The following TTC4 variants were observed in gnomAD, a reference collection of about 807,000 sequenced individuals.
TTC4 encodes the protein hsp70/Hsp90 co-chaperone CNS1 homolog.
In TTC4, 36 loss-of-function variants were observed where a neutral mutation model predicts 51.9. That is an observed-to-expected ratio of 0.69 (90% confidence interval 0.53 to 0.92). The LOEUF (loss-of-function observed/expected upper bound fraction) is 0.92, where lower values mean the gene tolerates loss of function less well. TTC4 is among the 40% of genes least tolerant of loss of function. The pLI is 0.00. For synonymous variants in TTC4, 144 were observed against 164.2 expected (o/e 0.88, Z 0.94); for missense variants, 399 against 454.6 (o/e 0.88, Z 1.11).
At position 54,742,531 on chromosome 1, in the gene TTC4, C is replaced by T. The variant is rs12086065; in HGVS notation, c.*1018C>T. On this transcript the variant is annotated 3_prime_UTR_variant, in exon 10 of 10. Coordinates refer to ENST00000371281, the MANE Select transcript of TTC4 (RefSeq NM_004623.5). ...GAGCCGAGCTACAGCAGCTGGCCTG[C>T]AGCCACTGAGTGTCACAGCAATGAG... 18,025 of 152,344 alleles carry T rather than the reference C, an allele frequency of 0.12. 1,781 individuals are homozygous for T. The highest frequency in any genetic ancestry group is 0.26 in the African/African-American group (10,941 of 41,544). The allele number at this position is 152,344 out of a possible 1,614,324, so 9.4% of individuals were successfully genotyped here.
intron 3 of TTC4, 162 bp downstream of exon 3, chr1:54,717,815 G>T (rs1049740912): frequency 5.0e-6 from 3 of 603,002 alleles, no homozygotes; most frequent in African/African-American, 3.8e-5. Flanking sequence ...TTGACATGAT[G>T]AAAAGAGAAA....
chr1:54,734,030 C>A (rs983787249), intron 8 of TTC4, among the ~76,000 whole-genome samples: 1 of 152,030 alleles, frequency 6.6e-6, no homozygotes, highest in Non-Finnish European at 1.5e-5. Context: ...AGCATAATGT[C>A]TTCAAGGTTC....
intron 9 of TTC4, 50 bp downstream of exon 9, chr1:54,737,714 T>C (rs1645964062): frequency 6.4e-7 from 1 of 1,559,524 alleles, no homozygotes; most frequent in Admixed American, 1.8e-5. Context: ...CTCAGTGTAT[T>C]AGTCCATTTT....
At chr1:54,735,899 C>T (rs1645926919) in intron 8 of TTC4, among the ~76,000 whole-genome samples, 1 of 151,980 alleles carries the variant, frequency 6.6e-6, no homozygotes, top group Non-Finnish European at 1.5e-5. Context: ...GTTTCTGTGT[C>T]CTTTTGACTT....
chr1:54,742,566 T>C lies in TTC4; in HGVS notation c.*1053T>C, dbSNP rs973861165. ...GTGTCACAGCAATGAGAGAGCAATG[T>C]TTGCTGTAGTAAGCAGTGAGATTTA... On this transcript the variant is annotated 3_prime_UTR_variant, in exon 10 of 10. Transcript: ENST00000371281. The C allele has an allele frequency of 5.3e-5, 8 of 152,262 alleles. No homozygotes were observed. Among genetic ancestry groups the C allele is most frequent in the Admixed American group, 1.3e-4 (2 of 15,282 alleles). 9.4% of individuals were successfully genotyped at this position (152,262 alleles called of 1,614,324 possible).
chr1:54,726,639 A>G (rs1376967811), intron 5 of TTC4, among the ~76,000 whole-genome samples: 1 of 152,256 alleles, frequency 6.6e-6, no homozygotes, highest in East Asian at 1.9e-4. Context: ...GCTAAAACTT[A>G]TACTCTAAAA....
intron 7 of TTC4, among the ~76,000 whole-genome samples, chr1:54,732,960 G>T (rs111638365): frequency 0.013 from 1,954 of 151,970 alleles, 43 homozygotes; most frequent in African/African-American, 0.045. Context: ...GGTGGTGCAT[G>T]CCTGTAGTCC....
At chr1:54,716,920 G>T (rs1195977423) in intron 2 of TTC4, among the ~76,000 whole-genome samples, 1 of 152,106 alleles carries the variant, frequency 6.6e-6, no homozygotes, top group Non-Finnish European at 1.5e-5. Flanking sequence ...ACCCTCCAAG[G>T]TCAGGCTCAG....
chr1:54,722,861 T>C, intron 5 of TTC4, 62 bp downstream of exon 5: 1 of 1,589,580 alleles, frequency 6.3e-7, no homozygotes, highest in Non-Finnish European at 8.5e-7. Flanking sequence ...ATTCCCAAGA[T>C]TGTGTCTCTC....
At chr1:54,732,631 T>C (rs1054099351) in intron 7 of TTC4, among the ~76,000 whole-genome samples, 2 of 151,810 alleles carry the variant, frequency 1.3e-5, no homozygotes, top group Non-Finnish European at 2.9e-5. Flanking sequence ...GGTAATTTTT[T>C]AATTCTTTGG....
intron 8 of TTC4, among the ~76,000 whole-genome samples, chr1:54,736,175 G>GGAGAGAGAGAGAGAGAGAGA (rs11292044): frequency 3.0e-5 from 3 of 100,722 alleles, no homozygotes; most frequent in Non-Finnish European, 5.8e-5. Context: ...AAGAAAGAAA[G>GGAGAGAGAGAGAGAGAGAGA]GAGAGAGAGA....
chr1:54,725,966 T>C (rs1645794211), intron 5 of TTC4, among the ~76,000 whole-genome samples: 1 of 152,102 alleles, frequency 6.6e-6, no homozygotes, highest in Admixed American at 6.5e-5. Flanking sequence ...GAAGAGAGAC[T>C]TGTATGATGC....
intron 4 of TTC4, among the ~76,000 whole-genome samples, chr1:54,721,798 T>G (rs1388868498): frequency 6.6e-6 from 1 of 152,244 alleles, no homozygotes; most frequent in African/African-American, 2.4e-5. Flanking sequence ...AAATTATGCC[T>G]CTTTAAATGT....
Position 54,742,273 on chromosome 1 carries a change from G to A in TTC4, c.*760G>A, listed in dbSNP as rs1646020358. Reference sequence around the variant, plus strand: ...AGTATATTTTTGTCTGCAGCTGTTTGTTGCCCCATTCCTAAGAGGAGTTTA... The same window carrying A: ...AGTATATTTTTGTCTGCAGCTGTTTATTGCCCCATTCCTAAGAGGAGTTTA... On this transcript the variant is annotated 3_prime_UTR_variant, in exon 10 of 10. Coordinates refer to ENST00000371281, the MANE Select transcript of TTC4 (RefSeq NM_004623.5). 1.3e-5 allele frequency: 2 copies of A among 152,224 alleles called. No homozygotes were observed. The highest frequency in any genetic ancestry group is 4.1e-4 in the South Asian group (2 of 4,824). The allele number at this position is 152,224 out of a possible 1,614,324, so 9.4% of individuals were successfully genotyped here.
chr1:54,720,180 G>A (rs937657994), intron 3 of TTC4, among the ~76,000 whole-genome samples: 5 of 152,072 alleles, frequency 3.3e-5, no homozygotes, highest in African/African-American at 1.2e-4. Context: ...GGGATTGCAG[G>A]AGTGAGCCAC....
At chr1:54,726,397 G>C (rs1242380605) in intron 5 of TTC4, among the ~76,000 whole-genome samples, 1 of 152,148 alleles carries the variant, frequency 6.6e-6, no homozygotes, top group Non-Finnish European at 1.5e-5. Flanking sequence ...AGAAGTAGTA[G>C]TAAAACCATC....
chr1:54,717,803 A>G (rs1645694093), intron 3 of TTC4, 150 bp downstream of exon 3: 2 of 660,964 alleles, frequency 3.0e-6, no homozygotes, highest in African/African-American at 3.8e-5. Context: ...TGGTCTTCCA[A>G]GTTGACATGA....
chr1:54,732,055 G>A (rs1234123181), intron 7 of TTC4, among the ~76,000 whole-genome samples: 1 of 152,088 alleles, frequency 6.6e-6, no homozygotes, highest in Admixed American at 6.6e-5. Context: ...ATAGAGGCTG[G>A]GCGCTGTGGC....
chr1:54,735,765 A>G (rs2764829), intron 8 of TTC4, among the ~76,000 whole-genome samples: 42,385 of 152,096 alleles, frequency 0.28, 6,804 homozygotes, highest in Non-Finnish European at 0.35. Context: ...TATTCAACAT[A>G]TTTATTTATA....
Sources: allele counts gnomAD v4.1 joint callset (sites outside exome capture counted in the v4.1 genomes callset), GRCh38; gene constraint gnomAD v4.1.1; transcripts MANE v1.5; gene names NCBI Gene and HGNC (gene_info 2026-07-23, HGNC 2026-07-21).